Variants in FKTN observed in about 807,000 individuals in gnomAD.
FKTN encodes fukutin, also known as ribitol-5-phosphate transferase FKTN.
In FKTN, 47 loss-of-function variants were observed where a neutral mutation model predicts 58.6. The observed-to-expected ratio is 0.80, with a 90% confidence interval of 0.63 to 1.02. FKTN has a LOEUF of 1.02. Among genes scored for constraint, FKTN ranks in the 50% least tolerant of loss-of-function variants. The pLI, the probability that FKTN is intolerant of heterozygous loss-of-function variation, is 0.00. For synonymous variants in FKTN, 178 were observed against 191.9 expected (o/e 0.93, Z 0.60); for missense variants, 516 against 537.3 (o/e 0.96, Z 0.39).
chr9:105,627,880 G>A (rs1435105982), intron 10 of FKTN, among the ~76,000 whole-genome samples: 1 of 152,208 alleles, frequency 6.6e-6, no homozygotes, highest in African/African-American at 2.4e-5. Flanking sequence ...ATGAAACTAA[G>A]TCAGATCCTC....
intron 3 of FKTN, 44 bp downstream of exon 3, chr9:105,575,181 T>G (rs758657034): frequency 1.9e-6 from 2 of 1,077,916 alleles, no homozygotes; most frequent in Non-Finnish European, 2.9e-6. Context: ...TTTCTTATCA[T>G]TGTATATTTT....
chr9:105,632,419 T>A (rs1322017084), intron 10 of FKTN, among the ~76,000 whole-genome samples: 2 of 142,880 alleles, frequency 1.4e-5, no homozygotes, highest in African/African-American at 2.5e-5. Context: ...AAAAGTATAA[T>A]AAAAAAAAAT....
At position 105,604,282 on chromosome 9, in the gene FKTN, G is replaced by A. The variant is rs143748939; in HGVS notation, c.437G>A (p.Arg146Gln). ...QCLKIESKDP[R>Q]LDGIDSLSGT... ...CTAAAGATTGAGAGTAAAGATCCCC[G>A]GCTAGACGGGATAGACTCACTCTCT... Residue 146 changes from arginine to glutamine, a missense_variant, in exon 6 of 11, where the codon CGG becomes CAG. Physicochemically the swap from Arg to Gln is conservative, Grantham distance 43. Transcript: ENST00000357998. 7.6e-5 allele frequency: 123 copies of A among 1,613,364 alleles called. No individual in the cohort carries two copies. Among genetic ancestry groups the A allele is most frequent in the Non-Finnish European group, 8.2e-5 (97 of 1,179,918 alleles).
chr9:105,613,141 A>G (rs1478324385), intron 7 of FKTN, among the ~76,000 whole-genome samples: 1 of 152,194 alleles, frequency 6.6e-6, no homozygotes, highest in African/African-American at 2.4e-5. Context: ...ACTCTGTGTA[A>G]TAAGGCAAGG....
intron 1 of FKTN, among the ~76,000 whole-genome samples, chr9:105,565,602 T>G (rs201919196): frequency 0.12 from 17,789 of 149,500 alleles, 1,456 homozygotes; most frequent in East Asian, 0.45. Flanking sequence ...GAGCTAACTG[T>G]CTTAAATATA....
chr9:105,606,921 T>C (rs1829002837), intron 6 of FKTN, among the ~76,000 whole-genome samples: 1 of 151,864 alleles, frequency 6.6e-6, no homozygotes, highest in African/African-American at 2.4e-5. Flanking sequence ...TATTGGCTTC[T>C]CTTATTTTAA....
At chr9:105,615,934 C>T (rs1830727576) in intron 8 of FKTN, among the ~76,000 whole-genome samples, 1 of 152,148 alleles carries the variant, frequency 6.6e-6, no homozygotes, top group South Asian at 2.1e-4. Context: ...TGTTATTCTT[C>T]TTACGATGGT....
intron 3 of FKTN, among the ~76,000 whole-genome samples, chr9:105,584,822 ATTT>A (rs560295838): frequency 6.8e-6 from 1 of 148,056 alleles, no homozygotes; most frequent in East Asian, 2.0e-4. Flanking sequence ...GTGTCTTAAA[ATTT>A]TTTTTTTTTA....
Position 105,636,760 on chromosome 9 carries a change from A to G in FKTN, c.*1496A>G, listed in dbSNP as rs1345584069. 1.0e-5 allele frequency: 13 copies of G among 1,287,860 alleles called. No individual in the cohort carries two copies. The highest frequency in any genetic ancestry group is 1.3e-5 in the Non-Finnish European group (13 of 977,680). The allele number at this position is 1,287,860 out of a possible 1,614,324, so 79.8% of individuals were successfully genotyped here. A position where few individuals can be genotyped will look rare whatever the true frequency, so the allele number is the denominator to read the frequency against. ...GATTTTCCTCTGACACCAGAGAACAATAGTAGTCTCAAGAATGGAAACCTG... is the reference window on the plus strand; with the variant it reads ...GATTTTCCTCTGACACCAGAGAACAGTAGTAGTCTCAAGAATGGAAACCTG... On this transcript the variant is annotated 3_prime_UTR_variant, in exon 11 of 11. Coordinates refer to ENST00000357998, the MANE Select transcript of FKTN (RefSeq NM_001079802.2).
chr9:105,570,295 A>G (rs868105308), intron 1 of FKTN, among the ~76,000 whole-genome samples: 3 of 152,260 alleles, frequency 2.0e-5, no homozygotes, highest in Admixed American at 1.3e-4. Context: ...AATTCAGCCA[A>G]TTTTAGGCTG....
At chr9:105,608,099 C>A in intron 7 of FKTN, 148 bp downstream of exon 7, 2 of 681,690 alleles carry the variant, frequency 2.9e-6, no homozygotes, top group South Asian at 1.8e-5. Flanking sequence ...AGATTGTTTT[C>A]TTTCAGTTTT....
intron 1 of FKTN, among the ~76,000 whole-genome samples, chr9:105,567,302 A>G (rs763422870): frequency 2.0e-5 from 3 of 152,182 alleles, no homozygotes; most frequent in Non-Finnish European, 2.9e-5. Context: ...GGCCAGGGCA[A>G]TCAGGCAGGA....
chr9:105,559,492 G>C (rs1837862219), intron 1 of FKTN, among the ~76,000 whole-genome samples: 1 of 152,074 alleles, frequency 6.6e-6, no homozygotes, highest in African/African-American at 2.4e-5. Flanking sequence ...AAACCAGCCT[G>C]GCCAACATGG....
chr9:105,622,799 G>A (rs1588246409), intron 10 of FKTN, among the ~76,000 whole-genome samples: 1 of 152,070 alleles, frequency 6.6e-6, no homozygotes, highest in South Asian at 2.1e-4. Flanking sequence ...TGTCAGTACT[G>A]TATTATTATT....
At chr9:105,574,200 G>A (rs774983893) in intron 2 of FKTN, 1 of 151,988 alleles carries the variant, frequency 6.6e-6, no homozygotes, top group Non-Finnish European at 1.5e-5. Context: ...TTTTATAGCT[G>A]GAGAACAAAA....
intron 9 of FKTN, among the ~76,000 whole-genome samples, chr9:105,618,835 C>T (rs1014220051): frequency 1.3e-5 from 2 of 151,534 alleles, no homozygotes; most frequent in African/African-American, 2.4e-5. Context: ...TATGGGAGGC[C>T]GAGGCGGGTG....
At chr9:105,575,571 G>C (rs1841517343) in intron 3 of FKTN, among the ~76,000 whole-genome samples, 1 of 152,088 alleles carries the variant, frequency 6.6e-6, no homozygotes, top group South Asian at 2.1e-4. Flanking sequence ...GAAATCAATA[G>C]CTTCTGAAGA....
At chr9:105,561,570 T>G (rs1365316054) in intron 1 of FKTN, among the ~76,000 whole-genome samples, 2 of 152,194 alleles carry the variant, frequency 1.3e-5, no homozygotes, top group Admixed American at 1.3e-4. Context: ...CCACTATCTT[T>G]CCAAAACCCT....
rs1383987453 is a variant in FKTN, at chr9:105,636,427, A to G, written c.*1163A>G. 1.0e-6 allele frequency: 1 copy of G among 991,594 alleles called. No individual in the cohort carries two copies. The highest frequency in any genetic ancestry group is 4.5e-5 in the South Asian group (1 of 22,192). The allele number at this position is 991,594 out of a possible 1,614,324, so 61.4% of individuals were successfully genotyped here. ...CCCTACCTCAGATCATAGAGTTTGT[A>G]AAGTTTGTGTCCCTCCCCAGTTTTT... On this transcript the variant is annotated 3_prime_UTR_variant, in exon 11 of 11. Transcript: ENST00000357998.
Sources: gnomAD v4.1 joint callset for allele counts (sites outside exome capture counted in the v4.1 genomes callset) on GRCh38, gnomAD v4.1.1 for gene constraint, MANE v1.5 for transcripts, NCBI Gene and HGNC (gene_info 2026-07-23, HGNC 2026-07-21) for gene names.